Variants in DGLUCY observed in about 807,000 individuals in gnomAD.
DGLUCY encodes D-glutamate cyclase, mitochondrial.
A neutral mutation model predicts 58.5 loss-of-function variants in DGLUCY; 58 were observed. The observed-to-expected ratio is 0.99, with a 90% CI of 0.80 to 1.23. DGLUCY has a LOEUF of 1.23. Ranked by LOEUF, DGLUCY falls within the 50% of genes most tolerant of loss-of-function variation. The pLI, the probability that DGLUCY is intolerant of heterozygous loss-of-function variation, is 0.00. For missense variants in DGLUCY, 779 were observed against 784.7 expected (o/e 0.99, Z 0.09); for synonymous variants, 325 against 314.1 (o/e 1.03, Z -0.37).
chr14:91,133,673 G>GCCA (rs1230654946), intron 1 of DGLUCY, among the ~76,000 whole-genome samples: 2 of 152,110 alleles, frequency 1.3e-5, no homozygotes. Flanking sequence ...ACAGGCATGA[G>GCCA]CCACCGCCTG....
At chr14:91,076,729 G>C (rs1355498656) in intron 1 of DGLUCY, among the ~76,000 whole-genome samples, 1 of 152,162 alleles carries the variant, frequency 6.6e-6, no homozygotes, top group Non-Finnish European at 1.5e-5. Context: ...CTAGGCAGAG[G>C]GGGCAGTGAG....
At chr14:91,188,319 G>A (rs922415749) in intron 8 of DGLUCY, among the ~76,000 whole-genome samples, 2 of 152,172 alleles carry the variant, frequency 1.3e-5, no homozygotes, top group African/African-American at 2.4e-5. Context: ...CTTCCATCAC[G>A]ATCCAATACA....
At chr14:91,126,562 CA>C (rs2045695969) in intron 1 of DGLUCY, 1 of 215,500 alleles carries the variant, frequency 4.6e-6, no homozygotes, top group South Asian at 8.1e-5. Flanking sequence ...ATTGAAAAAA[CA>C]AAAAACGTGT....
intron 12 of DGLUCY, among the ~76,000 whole-genome samples, chr14:91,205,290 C>T (rs1004910716): frequency 1.3e-5 from 2 of 152,130 alleles, no homozygotes; most frequent in East Asian, 3.9e-4. Flanking sequence ...TTGGAGGATG[C>T]GAGAAGCTTT....
intron 1 of DGLUCY, among the ~76,000 whole-genome samples, chr14:91,077,971 G>A (rs2044058304): frequency 6.6e-6 from 1 of 152,170 alleles, no homozygotes. Context: ...GACTCTGCTT[G>A]TAGTGTCTTT....
Position 91,181,251 on chromosome 14 carries a change from G to T in DGLUCY, c.796G>T (p.Ala266Ser). 6.2e-6 allele frequency: 10 copies of T among 1,614,128 alleles called. No homozygotes were observed. Among genetic ancestry groups the T allele is most frequent in the South Asian group, 1.1e-5 (1 of 91,080 alleles). The change falls in exon 8 of 14, where the codon GCT becomes TCT. Residue 266 changes from alanine (A) to serine (S), a missense_variant. Coordinates refer to ENST00000256324, the MANE Select transcript of DGLUCY (RefSeq NM_001102368.3). ...TATGACTGACCTGAAGGATGCAAAG[G>T]CTCCACCTGGTTGTCTCACCCCAGA... The part of the protein sequence containing the change: ...TVMTDLKDAK[A>S]PPGCLTPERI...
chr14:91,187,191 G>A (rs181048917), intron 8 of DGLUCY, among the ~76,000 whole-genome samples: 112 of 152,140 alleles, frequency 7.4e-4, no homozygotes, highest in Middle Eastern at 3.4e-3. Flanking sequence ...GTAGAGACGG[G>A]GTTTCACTTT....
upstream of DGLUCY, among the ~76,000 whole-genome samples, chr14:91,110,529 C>T (rs865818918): frequency 6.0e-5 from 9 of 149,680 alleles, no homozygotes; most frequent in Middle Eastern, 3.4e-3. Flanking sequence ...CTCCAGGGTT[C>T]GAGAGATTCT....
intron 3 of DGLUCY, among the ~76,000 whole-genome samples, chr14:91,166,622 G>A (rs2048299497): frequency 6.6e-6 from 1 of 151,816 alleles, no homozygotes; most frequent in South Asian, 2.1e-4. Context: ...CCAAGATCAA[G>A]CCAGTGCACT....
intron 12 of DGLUCY, among the ~76,000 whole-genome samples, chr14:91,211,171 A>G (rs907760008): frequency 1.3e-5 from 2 of 152,244 alleles, no homozygotes; most frequent in African/African-American, 4.8e-5. Flanking sequence ...CATTGATGAA[A>G]GGTATCAAAA....
chr14:91,086,087 A>G (rs1283011172), intron 1 of DGLUCY, among the ~76,000 whole-genome samples: 1 of 152,150 alleles, frequency 6.6e-6, no homozygotes, highest in Non-Finnish European at 1.5e-5. Flanking sequence ...TGAACTGCGC[A>G]TGTGAGGGAT....
chr14:91,213,146 T>G (rs1173526162), intron 12 of DGLUCY, among the ~76,000 whole-genome samples: 1 of 150,960 alleles, frequency 6.6e-6, no homozygotes, highest in Non-Finnish European at 1.5e-5. Context: ...TATTAAAAAA[T>G]GAAAAAAGCC....
chr14:91,216,077 A>G, intron 13 of DGLUCY: 1 of 229,208 alleles, frequency 4.4e-6, no homozygotes, highest in Non-Finnish European at 8.8e-6. Context: ...AGCCAAGTAG[A>G]AGGAGAGGAA....
chr14:91,182,980 G>T (rs1381485379), intron 8 of DGLUCY, among the ~76,000 whole-genome samples: 2 of 144,946 alleles, frequency 1.4e-5, no homozygotes, highest in Non-Finnish European at 1.5e-5. Context: ...TTTTAGTTTA[G>T]TTTATTTATT....
At position 91,130,394 on chromosome 14, in the gene DGLUCY, G is replaced by T. The variant is rs529553406; in HGVS notation, c.-82+16111G>T. 1.7e-3 allele frequency among the ~76,000 whole-genome samples: 251 copies of T among 150,160 alleles called. 2 individuals are homozygous for T. Among genetic ancestry groups the T allele is most frequent in the African/African-American group, 5.9e-3 (241 of 40,892 alleles). On this transcript the variant is annotated intron_variant, in intron 1 of 13. Transcript: ENST00000256324. Reference sequence around the variant, plus strand: ...CAGCAACCAGCAACCTGCAACCTCCGCCTCCTGGGTTCAAGCCATTCTCCT... The same window carrying T: ...CAGCAACCAGCAACCTGCAACCTCCTCCTCCTGGGTTCAAGCCATTCTCCT...
At chr14:91,074,941 G>T (rs780461312) in intron 1 of DGLUCY, among the ~76,000 whole-genome samples, 2 of 151,914 alleles carry the variant, frequency 1.3e-5, no homozygotes, top group Middle Eastern at 3.4e-3. Flanking sequence ...GTGTGGTGGC[G>T]CATGCCTGTA....
chr14:91,178,344 T>G (rs551437094), intron 7 of DGLUCY, among the ~76,000 whole-genome samples: 1 of 152,230 alleles, frequency 6.6e-6, no homozygotes, highest in South Asian at 2.1e-4. Context: ...TTTAAATTTT[T>G]GTGGAGATGG....
At chr14:91,193,989 C>T (rs1206275833) in intron 9 of DGLUCY, among the ~76,000 whole-genome samples, 1 of 152,172 alleles carries the variant, frequency 6.6e-6, no homozygotes, top group Non-Finnish European at 1.5e-5. Context: ...TGGGGATTCT[C>T]CTGTGTCCTT....
At position 91,061,917 on chromosome 14, in the gene DGLUCY, A is replaced by T. The variant is rs534557980; in HGVS notation, c.-82+1213A>T. On this transcript the variant is annotated intron_variant, in intron 1 of 4. Transcript: ENST00000521334. ...AAGGGAACCTGATTTCTAGTAGCAG[A>T]CACGAGAATGGGAAAAAGCAGAAAC... Among the ~76,000 whole-genome samples the T allele has an allele frequency of 6.3e-4, 96 of 152,348 alleles. 1 individual carries two copies. The South Asian group carries it at 0.019, about 30-fold the overall frequency.
Sources: gnomAD v4.1 joint callset for allele counts (sites outside exome capture counted in the v4.1 genomes callset) on GRCh38, gnomAD v4.1.1 for gene constraint, MANE v1.5 for transcripts, NCBI Gene and HGNC (gene_info 2026-07-23, HGNC 2026-07-21) for gene names.